The following CACNA1E variants were observed in gnomAD, a reference collection of about 807,000 sequenced individuals.
CACNA1E encodes the protein calcium voltage-gated channel subunit alpha1 E.
A neutral mutation model predicts 259.2 loss-of-function variants in CACNA1E; 40 were observed. The ratio of observed to expected loss-of-function variants is 0.15; its 90% CI spans 0.12 to 0.20. The LOEUF (loss-of-function observed/expected upper bound fraction) is 0.20, where lower values mean the gene tolerates loss of function less well. CACNA1E is among the 10% of genes least tolerant of loss of function. The pLI is 1.00. For missense variants in CACNA1E, 1,874 were observed against 3,040.1 expected (o/e 0.62, Z 9.02); for synonymous variants, 1,104 against 1,138.5 (o/e 0.97, Z 0.61).
intron 6 of CACNA1E, among the ~76,000 whole-genome samples, chr1:181,591,232 C>A (rs901211634): frequency 1.3e-5 from 2 of 152,236 alleles, no homozygotes; most frequent in Non-Finnish European, 2.9e-5. Context: ...TGGAGTCAAT[C>A]TCCCTTTGCT....
chr1:181,676,030 G>A (rs1558254260), intron 7 of CACNA1E, among the ~76,000 whole-genome samples: 1 of 142,498 alleles, frequency 7.0e-6, no homozygotes, highest in Non-Finnish European at 1.5e-5. Flanking sequence ...AAGCGACAGT[G>A]TGTGCTGTGT....
At chr1:181,697,537 G>A (rs575215684) in intron 7 of CACNA1E, among the ~76,000 whole-genome samples, 7 of 152,308 alleles carry the variant, frequency 4.6e-5, no homozygotes, top group African/African-American at 1.7e-4. Flanking sequence ...AAATGGTTTT[G>A]CTCCAGACAG....
intron 3 of CACNA1E, among the ~76,000 whole-genome samples, chr1:181,549,495 G>C (rs1348982882): frequency 3.9e-5 from 6 of 152,110 alleles, no homozygotes; most frequent in Admixed American, 2.0e-4. Flanking sequence ...GGGGTGGTTG[G>C]GTGTAGACAC....
At chr1:181,451,047 G>A (rs1047257257) in intron 2 of CACNA1E, among the ~76,000 whole-genome samples, 1 of 152,214 alleles carries the variant, frequency 6.6e-6, no homozygotes, top group Non-Finnish European at 1.5e-5. Flanking sequence ...CAGAGACAGA[G>A]AAGGCAGCAC....
At chr1:181,687,460 G>A (rs917050892) in intron 7 of CACNA1E, among the ~76,000 whole-genome samples, 3 of 152,248 alleles carry the variant, frequency 2.0e-5, no homozygotes, top group Admixed American at 2.0e-4. Context: ...CTGAGAAGGT[G>A]TTACACGCAC....
intron 6 of CACNA1E, among the ~76,000 whole-genome samples, chr1:181,645,622 C>T (rs554950284): frequency 1.3e-5 from 2 of 152,202 alleles, no homozygotes; most frequent in African/African-American, 2.4e-5. Flanking sequence ...TCTGACTTCC[C>T]GGACCCATGC....
At chr1:181,736,669 C>T (rs950670747) in intron 22 of CACNA1E, among the ~76,000 whole-genome samples, 1 of 152,122 alleles carries the variant, frequency 6.6e-6, no homozygotes. Context: ...GACAGGAGAA[C>T]ATGAGAAATG....
chr1:181,478,464 C>T (rs943523667), intron 2 of CACNA1E, among the ~76,000 whole-genome samples: 1 of 152,236 alleles, frequency 6.6e-6, no homozygotes, highest in African/African-American at 2.4e-5. Flanking sequence ...TATGCATTTG[C>T]ACATGGTCTC....
intron 1 of CACNA1E, among the ~76,000 whole-genome samples, chr1:181,339,927 T>C (rs574649168): frequency 1.3e-5 from 2 of 152,262 alleles, no homozygotes; most frequent in East Asian, 3.9e-4. Flanking sequence ...TAGTTTGCCT[T>C]TTGAAGGTGT....
intron 1 of CACNA1E, among the ~76,000 whole-genome samples, chr1:181,366,781 G>A (rs548333208): frequency 6.6e-6 from 1 of 152,278 alleles, no homozygotes; most frequent in African/African-American, 2.4e-5. Flanking sequence ...TTTATATTGG[G>A]TAACTGAAGA....
Position 181,483,791 on chromosome 1 carries a change from A to G in CACNA1E, c.47A>G (p.Asp16Gly), listed in dbSNP as rs903283906. The G allele has an allele frequency of 1.2e-6, 2 of 1,612,062 alleles. No homozygotes were observed. Among genetic ancestry groups the G allele is most frequent in the Admixed American group, 1.7e-5 (1 of 59,968 alleles). Residue 16 changes from aspartate (D) to glycine (G), a missense_variant, in exon 1 of 48, where the codon GAT becomes GGT. Coordinates refer to ENST00000367573, the MANE Select transcript of CACNA1E (RefSeq NM_001205293.3). ...EAVVARPGSGDGDSDQSRNRQ... is the reference protein window; with the variant it reads ...EAVVARPGSGGGDSDQSRNRQ... ...GTGGTCGCCAGGCCAGGGTCCGGCG[A>G]TGGAGACTCGGACCAGAGCAGGAAC... is the stretch of plus-strand genomic sequence containing the variant.
chr1:181,706,060 G>A (rs1180477848), intron 7 of CACNA1E, among the ~76,000 whole-genome samples: 2 of 152,070 alleles, frequency 1.3e-5, no homozygotes, highest in African/African-American at 4.8e-5. Context: ...ATGAAAAGGA[G>A]CCAATTACCT....
At chr1:181,647,616 G>T (rs1371132204) in intron 6 of CACNA1E, among the ~76,000 whole-genome samples, 2 of 152,162 alleles carry the variant, frequency 1.3e-5, no homozygotes, top group Non-Finnish European at 2.9e-5. Context: ...GGTTGCTGCT[G>T]CTTTTTTAAT....
intron 3 of CACNA1E, among the ~76,000 whole-genome samples, chr1:181,513,578 G>C (rs1666323803): frequency 6.6e-6 from 1 of 152,196 alleles, no homozygotes; most frequent in Non-Finnish European, 1.5e-5. Flanking sequence ...GGAGTATACG[G>C]CTGTTCTGGT....
intron 3 of CACNA1E, among the ~76,000 whole-genome samples, chr1:181,572,326 G>A (rs1650498969): frequency 6.6e-6 from 1 of 152,196 alleles, no homozygotes; most frequent in African/African-American, 2.4e-5. Context: ...CTGTGCTATG[G>A]CCACAATGAG....
At chr1:181,402,502 G>A (rs983922606) in intron 1 of CACNA1E, among the ~76,000 whole-genome samples, 1 of 152,190 alleles carries the variant, frequency 6.6e-6, no homozygotes, top group African/African-American at 2.4e-5. Context: ...TCTTGGGGCA[G>A]TCTGAGAGCT....
intron 3 of CACNA1E, among the ~76,000 whole-genome samples, chr1:181,525,803 T>A (rs1278386507): frequency 2.0e-5 from 3 of 152,216 alleles, no homozygotes; most frequent in African/African-American, 7.2e-5. Context: ...TGGCCATAGA[T>A]TGGAGTGGTC....
At chr1:181,774,764 G>A (rs1659825818) in intron 37 of CACNA1E, among the ~76,000 whole-genome samples, 1 of 152,214 alleles carries the variant, frequency 6.6e-6, no homozygotes, top group African/African-American at 2.4e-5. Context: ...TGTACACCCT[G>A]TCTGCATATC....
At chr1:181,624,890 C>T (rs1344400544) in intron 6 of CACNA1E, among the ~76,000 whole-genome samples, 2 of 152,130 alleles carry the variant, frequency 1.3e-5, no homozygotes, top group Non-Finnish European at 2.9e-5. Flanking sequence ...AAGTACATTT[C>T]TTAAGTAATA....
Sources: allele counts gnomAD v4.1 joint callset (sites outside exome capture counted in the v4.1 genomes callset), GRCh38; gene constraint gnomAD v4.1.1; transcripts MANE v1.5; gene names NCBI Gene and HGNC (gene_info 2026-07-23, HGNC 2026-07-21).